Variants in UCHL3 observed in about 807,000 individuals in gnomAD.
UCHL3 encodes the protein ubiquitin C-terminal hydrolase L3, also known as ubiquitin carboxyl-terminal hydrolase isozyme L3.
UCHL3 carries 22 observed loss-of-function variants against 35.8 expected under a neutral mutation model. That is an observed-to-expected ratio of 0.61 (90% CI 0.44 to 0.88). UCHL3 has a LOEUF of 0.88. Among genes scored for constraint, UCHL3 ranks in the 40% least tolerant of loss-of-function variants. The probability of loss-of-function intolerance (pLI) is 0.00; values close to 1 mark genes in which losing one functional copy is unlikely to be tolerated. For missense variants in UCHL3, 229 were observed against 276.9 expected (o/e 0.83, Z 1.23); for synonymous variants, 90 against 92.8 (o/e 0.97, Z 0.17).
upstream of UCHL3, chr13:75,549,721 C>A: frequency 1.5e-6 from 2 of 1,348,594 alleles, no homozygotes; most frequent in Non-Finnish European, 1.9e-6. Context: ...CTCCTCCGGG[C>A]GGTGTGTTGG....
At chr13:75,572,979 T>C (rs557500716) in intron 6 of UCHL3, among the ~76,000 whole-genome samples, 18 of 152,272 alleles carry the variant, frequency 1.2e-4, no homozygotes, top group African/African-American at 4.3e-4. Flanking sequence ...AAGATTCATC[T>C]CCCTGCCGGG....
At chr13:75,566,468 A>G (rs1201665739) in intron 3 of UCHL3, among the ~76,000 whole-genome samples, 1 of 152,218 alleles carries the variant, frequency 6.6e-6, no homozygotes, top group African/African-American at 2.4e-5. Context: ...CATACTTTTA[A>G]TAACAGCATA....
intron 6 of UCHL3, among the ~76,000 whole-genome samples, chr13:75,574,294 G>A (rs1174956561): frequency 1.3e-5 from 2 of 150,524 alleles, no homozygotes; most frequent in African/African-American, 4.9e-5. Flanking sequence ...TTTTTTTTAT[G>A]ATAAAATCCT....
Position 75,567,323 on chromosome 13 carries a change from T to G in UCHL3, c.426+11T>G. 6.2e-7 allele frequency: 1 copy of G among 1,613,522 alleles called. No homozygotes were observed. The highest frequency in any genetic ancestry group is 8.5e-7 in the Non-Finnish European group (1 of 1,179,572). On this transcript the variant is annotated intron_variant, in intron 5 of 8. Transcript: ENST00000377595. ...CTGGAGAACTATGATGTCGGTACCT[T>G]CTTTCCGTTTTGATCTCATGTGGGC...
chr13:75,594,308 CCCTT>C (rs945191506), intron 6 of UCHL3, among the ~76,000 whole-genome samples: 1 of 152,068 alleles, frequency 6.6e-6, no homozygotes, highest in African/African-American at 2.4e-5. Context: ...TATCTTTTTT[CCCTT>C]CCTTTTAATC....
Position 75,595,649 on chromosome 13 carries a change from T to C in UCHL3, c.550+659T>C, listed in dbSNP as rs139886545. Among the ~76,000 whole-genome samples the C allele has an allele frequency of 6.5e-3, 945 of 145,178 alleles. 6 individuals carry two copies. The highest frequency in any genetic ancestry group is 0.022 in the African/African-American group (856 of 39,190). ...AAAAGAGCGTAATAGTTGTAATGATTGGGCTGAGTGTCACTAGTTTTCAGG... is the reference window on the plus strand; with the variant it reads ...AAAAGAGCGTAATAGTTGTAATGATCGGGCTGAGTGTCACTAGTTTTCAGG... On this transcript the variant is annotated intron_variant, in intron 7 of 8. Transcript: ENST00000377595.
intron 7 of UCHL3, among the ~76,000 whole-genome samples, chr13:75,595,211 C>G (rs2274047): frequency 0.12 from 18,750 of 152,222 alleles, 1,450 homozygotes; most frequent in Middle Eastern, 0.29. Context: ...TGCATACCAT[C>G]TTCGCATTTT....
In UCHL3 at chr13:75,602,108, C is replaced by CAA. The variant is rs36015067; in HGVS notation, c.551-2654_551-2653dup. Among the ~76,000 whole-genome samples, 2,203 of 150,954 alleles carry CAA rather than the reference C, an allele frequency of 0.015. 86 individuals carry two copies. The East Asian group carries it at 0.15, about 10-fold the overall frequency. On this transcript the variant is annotated intron_variant, in intron 7 of 8. Coordinates refer to ENST00000377595, the MANE Select transcript of UCHL3 (RefSeq NM_006002.5). ...TGGGCGACAGAGCGAGACTCTGTCT[C>CAA]AAAAAAAACAAAAACAAAAACAAAA...
At chr13:75,589,287 C>T (rs1445081440) in intron 6 of UCHL3, among the ~76,000 whole-genome samples, 1 of 151,964 alleles carries the variant, frequency 6.6e-6, no homozygotes, top group Non-Finnish European at 1.5e-5. Context: ...TTAAATGAAC[C>T]TATATATGTC....
chr13:75,605,934 C>A lies in UCHL3; in HGVS notation c.*122C>A. On this transcript the variant is annotated 3_prime_UTR_variant, in exon 9 of 9. Coordinates refer to ENST00000377595, the MANE Select transcript of UCHL3 (RefSeq NM_006002.5). ...ATGATTAAACTTTATGTGAGTTAAA[C>A]TTTGCCTTAACCTGTGTTTTATGTT... 2.1e-6 allele frequency: 2 copies of A among 958,434 alleles called. No individual in the cohort carries two copies. The highest frequency in any genetic ancestry group is 3.1e-6 in the Non-Finnish European group (2 of 635,646). 59.4% of individuals were successfully genotyped at this position (958,434 alleles called of 1,614,324 possible). A position where few individuals can be genotyped will look rare whatever the true frequency, so the allele number is the denominator to read the frequency against.
chr13:75,574,536 T>C (rs1354118579), intron 6 of UCHL3, among the ~76,000 whole-genome samples: 1 of 152,192 alleles, frequency 6.6e-6, no homozygotes, highest in Non-Finnish European at 1.5e-5. Context: ...CCACTGCTTA[T>C]TAGCTTAGGC....
chr13:75,601,077 A>C (rs1024381288), intron 7 of UCHL3, among the ~76,000 whole-genome samples: 19 of 152,218 alleles, frequency 1.2e-4, no homozygotes, highest in Non-Finnish European at 2.4e-4. Context: ...GGGGAGCCTG[A>C]AGATGTGACT....
chr13:75,559,206 A>AT lies in UCHL3; in HGVS notation c.55-1540dup, dbSNP rs556174116. On this transcript the variant is annotated intron_variant, in intron 2 of 8. Transcript: ENST00000377595. The stretch of plus-strand genomic sequence containing the variant: ...AGGCGCCAGCCACCACGCCCAGCTA[A>AT]TTTTTTTGTATTTTTAGTAGAGACG... Among the ~76,000 whole-genome samples the AT allele has an allele frequency of 1.5e-4, 22 of 151,676 alleles. No homozygotes were observed. The South Asian group carries it at 3.3e-3, about 23-fold the overall frequency.
At chr13:75,554,964 A>G (rs1325498651) in intron 2 of UCHL3, among the ~76,000 whole-genome samples, 1 of 152,098 alleles carries the variant, frequency 6.6e-6, no homozygotes, top group African/African-American at 2.4e-5. Context: ...TGTTCTCATC[A>G]TTTAGCTCTC....
intron 6 of UCHL3, among the ~76,000 whole-genome samples, chr13:75,570,365 C>T (rs997128126): frequency 1.3e-5 from 2 of 151,848 alleles, no homozygotes; most frequent in Non-Finnish European, 1.5e-5. Context: ...CCTCCCGAGT[C>T]GCTGGAACTA....
rs1593773296 is a variant in UCHL3 at position 75,604,449 on chromosome 13, C to T, written c.551-320C>T. The T allele has an allele frequency of 1.4e-5, 3 of 213,410 alleles. No homozygotes were observed. In the South Asian group the frequency reaches 5.1e-4, roughly 36 times the overall value. 13.2% of individuals were successfully genotyped at this position (213,410 alleles called of 1,614,324 possible). A position where few individuals can be genotyped will look rare whatever the true frequency, so the allele number is the denominator to read the frequency against. ...TGAAAAAAGAAATTTTTTTAATTTC[C>T]AAGGATAAAAGCTGGGGTGATAATT... is the stretch of plus-strand genomic sequence containing the variant. On this transcript the variant is annotated intron_variant, in intron 7 of 8. Transcript: ENST00000377595.
chr13:75,550,040 T>C, intron 2 of UCHL3, 53 bp downstream of exon 2: 1 of 1,613,278 alleles, frequency 6.2e-7, no homozygotes, highest in Non-Finnish European at 8.5e-7. Context: ...GTCTGCTCGG[T>C]CCGCTTCCCT....
intron 6 of UCHL3, among the ~76,000 whole-genome samples, chr13:75,574,400 T>C (rs866026252): frequency 3.3e-5 from 5 of 152,158 alleles, no homozygotes; most frequent in Non-Finnish European, 2.9e-5. Flanking sequence ...GTAGGTCCCA[T>C]GAGGAAATAG....
At chr13:75,583,550 A>G (rs1232144473) in intron 6 of UCHL3, among the ~76,000 whole-genome samples, 1 of 152,220 alleles carries the variant, frequency 6.6e-6, no homozygotes, top group East Asian at 1.9e-4. Flanking sequence ...ATCTGGTAAA[A>G]GATAGTAAGC....
Sources: allele counts gnomAD v4.1 joint callset (sites outside exome capture counted in the v4.1 genomes callset), GRCh38; gene constraint gnomAD v4.1.1; transcripts MANE v1.5; gene names NCBI Gene and HGNC (gene_info 2026-07-23, HGNC 2026-07-21).